The following DNAH7 variants were observed in gnomAD, a reference collection of about 807,000 sequenced individuals.
The protein encoded by DNAH7 is dynein axonemal heavy chain 7.
In DNAH7, 397 loss-of-function variants were observed where a neutral mutation model predicts 444.6. That is an observed-to-expected ratio of 0.89 (90% CI 0.82 to 0.97). The LOEUF is 0.97. Among genes scored for constraint, DNAH7 ranks in the 50% least tolerant of loss-of-function variants. DNAH7 has a pLI of 0.00. For synonymous variants in DNAH7, 1,636 were observed against 1,624.4 expected, an observed-to-expected ratio of 1.01 and a Z score of -0.17; for missense variants, 4,902 against 4,800.8, an observed-to-expected ratio of 1.02 and a Z score of -0.62.
chr2:195,957,525 T>C, intron 18 of DNAH7, 78 bp from the exon 19 acceptor site: 1 of 1,188,826 alleles, frequency 8.4e-7, no homozygotes, highest in Non-Finnish European at 1.1e-6. Context: ...AAACCACAAC[T>C]AGGTTGTCAA....
chr2:196,040,690 T>C (rs571958752), intron 5 of DNAH7, among the ~76,000 whole-genome samples: 1 of 152,266 alleles, frequency 6.6e-6, no homozygotes, highest in South Asian at 2.1e-4. Context: ...TTCACCACTT[T>C]TATTCAACAT....
intron 55 of DNAH7, 144 bp from the exon 56 acceptor site, chr2:195,796,881 A>G: frequency 1.3e-6 from 1 of 767,216 alleles, no homozygotes. Context: ...TCCCTAAAAA[A>G]CTCTCTTTGA....
At chr2:195,912,358 TCTC>T (rs1243867936) in intron 24 of DNAH7, among the ~76,000 whole-genome samples, 1 of 152,088 alleles carries the variant, frequency 6.6e-6, no homozygotes, top group Non-Finnish European at 1.5e-5. Context: ...GCCTGGAACT[TCTC>T]CTGATGGCAG....
intron 51 of DNAH7, among the ~76,000 whole-genome samples, chr2:195,811,775 A>G (rs915490768): frequency 6.6e-6 from 1 of 151,896 alleles, no homozygotes; most frequent in Non-Finnish European, 1.5e-5. Context: ...TAGAAGTGAA[A>G]GAAAAAAAAA....
chr2:195,744,131 C>A (rs1317781035), intron 63 of DNAH7, among the ~76,000 whole-genome samples: 2 of 152,340 alleles, frequency 1.3e-5, no homozygotes, highest in Admixed American at 1.3e-4. Context: ...GTGACAGACA[C>A]CACCTGGAAA....
rs182647696 is a variant in DNAH7, at chr2:195,988,609, G to A, written c.1354-380C>T. ...AATACAATGTGATGCTTTGACACAT[G>A]TATACATTGTGTATTGATCAAATCA... On this transcript the variant is annotated intron_variant, in intron 12 of 64. Transcript: ENST00000312428. 1.6e-3 allele frequency among the ~76,000 whole-genome samples: 238 copies of A among 152,174 alleles called. 1 individual carries two copies. The highest frequency in any genetic ancestry group is 5.2e-3 in the African/African-American group (218 of 41,542).
At chr2:195,784,936 A>T (rs1411460601) in intron 58 of DNAH7, among the ~76,000 whole-genome samples, 5 of 136,798 alleles carry the variant, frequency 3.7e-5, no homozygotes, top group Non-Finnish European at 7.6e-5. Context: ...TTTGAGATGG[A>T]GTCTCGCTCT....
At chr2:195,800,649 G>T (rs1179802169) in intron 54 of DNAH7, among the ~76,000 whole-genome samples, 3 of 152,098 alleles carry the variant, frequency 2.0e-5, no homozygotes, top group Non-Finnish European at 4.4e-5. Flanking sequence ...AGACATTGTC[G>T]CCTGGCTCCC....
chr2:196,054,382 T>TG (rs1697671246), intron 2 of DNAH7, among the ~76,000 whole-genome samples: 1 of 151,870 alleles, frequency 6.6e-6, no homozygotes, highest in South Asian at 2.1e-4. Context: ...AAAAATAACC[T>TG]GGGTATGGTG....
chr2:195,919,932 T>C (rs1399702089), intron 24 of DNAH7, among the ~76,000 whole-genome samples: 2 of 152,176 alleles, frequency 1.3e-5, no homozygotes, highest in Non-Finnish European at 2.9e-5. Context: ...GGCTTGTGTA[T>C]AGCAAGCTTA....
intron 12 of DNAH7, among the ~76,000 whole-genome samples, chr2:195,990,402 C>A (rs894434738): frequency 6.6e-5 from 10 of 152,100 alleles, no homozygotes; most frequent in Non-Finnish European, 4.4e-5. Flanking sequence ...GTGGCTCACA[C>A]CTGTAATCCC....
intron 21 of DNAH7, among the ~76,000 whole-genome samples, chr2:195,927,588 T>C (rs1002853147): frequency 1.3e-5 from 2 of 151,782 alleles, no homozygotes; most frequent in African/African-American, 2.4e-5. Context: ...GGAGTAAAAA[T>C]GTGCTCTAGA....
intron 9 of DNAH7, among the ~76,000 whole-genome samples, chr2:196,018,003 A>G (rs1442480738): frequency 1.3e-5 from 2 of 152,134 alleles, no homozygotes; most frequent in East Asian, 3.8e-4. Context: ...GTCAATGGAC[A>G]AATTATAAAC....
intron 58 of DNAH7, 150 bp from the exon 59 acceptor site, chr2:195,778,135 A>G (rs1695153229): frequency 3.0e-6 from 2 of 677,598 alleles, no homozygotes; most frequent in Admixed American, 7.6e-5. Context: ...AATTGTTGCC[A>G]TTTTTCCCAG....
chr2:195,861,664 CAAGT>C, intron 42 of DNAH7, 49 bp downstream of exon 42: 2 of 1,284,944 alleles, frequency 1.6e-6, no homozygotes, highest in Non-Finnish European at 2.2e-6. Flanking sequence ...TTTGCACACA[CAAGT>C]ATTTTTAATT....
chr2:196,047,630 A>ATT (rs34679412), intron 4 of DNAH7, 131 bp from the exon 5 acceptor site: 8,417 of 514,304 alleles, frequency 0.016, no homozygotes, highest in Non-Finnish European at 0.019. Flanking sequence ...CCTAAGTATA[A>ATT]TTTTTTTTTT....
At chr2:196,024,926 C>A (rs145080918) in intron 7 of DNAH7, among the ~76,000 whole-genome samples, 18 of 149,730 alleles carry the variant, frequency 1.2e-4, no homozygotes, top group Non-Finnish European at 2.1e-4. Context: ...ATTCAACCAA[C>A]GATGAATCAA....
intron 38 of DNAH7, among the ~76,000 whole-genome samples, chr2:195,874,729 G>C (rs1700941305): frequency 1.3e-5 from 2 of 152,118 alleles, no homozygotes; most frequent in South Asian, 4.1e-4. Context: ...GGCTGAGGTG[G>C]GAGGATCACT....
chr2:195,973,392 C>T (rs116245536), intron 15 of DNAH7, among the ~76,000 whole-genome samples: 2,357 of 152,152 alleles, frequency 0.015, 54 homozygotes, highest in African/African-American at 0.053. Flanking sequence ...AACATGGATG[C>T]ACTTTACTGT....
Sources: allele counts gnomAD v4.1 joint callset (sites outside exome capture counted in the v4.1 genomes callset), GRCh38; gene constraint gnomAD v4.1.1; transcripts MANE v1.5; gene names NCBI Gene and HGNC (gene_info 2026-07-23, HGNC 2026-07-21).